Variants in PRKG1 observed in about 807,000 individuals in gnomAD.
PRKG1 encodes protein kinase cGMP-dependent 1.
In PRKG1, 35 loss-of-function variants were observed where a neutral mutation model predicts 88.1. The ratio of observed to expected loss-of-function variants is 0.40; its 90% CI spans 0.30 to 0.53. PRKG1 has a LOEUF of 0.53. Among genes scored for constraint, PRKG1 ranks in the 20% least tolerant of loss-of-function variants. The pLI, the probability that PRKG1 is intolerant of heterozygous loss-of-function variation, is 0.59. For synonymous variants in PRKG1, 303 were observed against 292.5 expected (o/e 1.04, Z -0.37); for missense variants, 540 against 839.8 (o/e 0.64, Z 4.41).
At chr10:52,134,427 G>T (rs1837348936) in intron 8 of PRKG1, among the ~76,000 whole-genome samples, 1 of 151,908 alleles carries the variant, frequency 6.6e-6, no homozygotes, top group African/African-American at 2.4e-5. Flanking sequence ...TATATTTAAG[G>T]CCATTAAAAA....
chr10:51,122,015 G>A (rs905701017), intron 1 of PRKG1, among the ~76,000 whole-genome samples: 4 of 152,050 alleles, frequency 2.6e-5, no homozygotes, highest in Non-Finnish European at 2.9e-5. Flanking sequence ...TGTATTGTAC[G>A]TACATCTGTC....
chr10:51,233,194 A>G (rs1838891945), intron 2 of PRKG1, among the ~76,000 whole-genome samples: 1 of 152,186 alleles, frequency 6.6e-6, no homozygotes, highest in Admixed American at 6.5e-5. Flanking sequence ...TAGGATTGAC[A>G]TTGTCACTCC....
intron 2 of PRKG1, among the ~76,000 whole-genome samples, chr10:51,374,093 A>AAAAAAATATATATATATAT: frequency 1.1e-4 from 11 of 100,188 alleles, no homozygotes; most frequent in African/African-American, 3.0e-4. Context: ...AAAAAAAAAA[A>AAAAAAATATATATATATAT]ATATATATAT....
intron 1 of PRKG1, among the ~76,000 whole-genome samples, chr10:51,099,783 G>A (rs944411743): frequency 8.5e-5 from 13 of 152,126 alleles, no homozygotes; most frequent in South Asian, 4.1e-4. Flanking sequence ...TTGTCTCTGC[G>A]TAATAAGATT....
intron 3 of PRKG1, among the ~76,000 whole-genome samples, chr10:51,767,227 T>A (rs955181617): frequency 6.6e-6 from 1 of 152,182 alleles, no homozygotes; most frequent in Admixed American, 6.5e-5. Flanking sequence ...AGGCGGAGAT[T>A]GGCGTAAATG....
rs946509205 is a variant in PRKG1, at chr10:51,338,939, T to C, written c.479-128784T>C. Among the ~76,000 whole-genome samples the C allele has an allele frequency of 1.1e-4, 17 of 152,148 alleles. 1 individual carries two copies. Among genetic ancestry groups the C allele is most frequent in the Admixed American group, 1.1e-3 (17 of 15,276 alleles). On this transcript the variant is annotated intron_variant, in intron 2 of 17. Transcript: ENST00000373980. ...GAAAAAAAATCAAAATGAAATATGATTGCCTTAAGAAATGACCAACTTAAT... is the reference window on the plus strand; with the variant it reads ...GAAAAAAAATCAAAATGAAATATGACTGCCTTAAGAAATGACCAACTTAAT...
intron 2 of PRKG1, among the ~76,000 whole-genome samples, chr10:51,427,605 A>C (rs1838627696): frequency 6.6e-6 from 1 of 152,292 alleles, no homozygotes; most frequent in Admixed American, 6.5e-5. Context: ...CCACAGGCTG[A>C]AGGCTGATCT....
At chr10:51,847,154 G>T (rs2132793404) in intron 4 of PRKG1, among the ~76,000 whole-genome samples, 1 of 152,216 alleles carries the variant, frequency 6.6e-6, no homozygotes, top group Non-Finnish European at 1.5e-5. Context: ...AGGTGCTGAT[G>T]ATCTATGATG....
At chr10:52,191,179 A>G (rs2132753892) in intron 9 of PRKG1, among the ~76,000 whole-genome samples, 1 of 152,240 alleles carries the variant, frequency 6.6e-6, no homozygotes, top group Middle Eastern at 3.4e-3. Flanking sequence ...TTGTTGAGAC[A>G]GTCTCGCTCT....
chr10:51,598,016 A>G (rs867488642), intron 3 of PRKG1, among the ~76,000 whole-genome samples: 3 of 152,332 alleles, frequency 2.0e-5, no homozygotes, highest in Middle Eastern at 3.4e-3. Flanking sequence ...TGTGCTAATG[A>G]TAATAACTTG....
At chr10:51,029,620 A>G (rs1843254503) in intron 1 of PRKG1, among the ~76,000 whole-genome samples, 1 of 152,176 alleles carries the variant, frequency 6.6e-6, no homozygotes, top group Non-Finnish European at 1.5e-5. Flanking sequence ...AGTAGACCTC[A>G]AAAATTAGGT....
chr10:51,335,692 C>T (rs1490737847), intron 2 of PRKG1, among the ~76,000 whole-genome samples: 2 of 152,130 alleles, frequency 1.3e-5, no homozygotes, highest in Non-Finnish European at 2.9e-5. Context: ...CCACCACACC[C>T]TGCTAGTTTT....
chr10:51,401,378 T>C (rs1485943149), intron 2 of PRKG1, among the ~76,000 whole-genome samples: 2 of 152,186 alleles, frequency 1.3e-5, no homozygotes, highest in Non-Finnish European at 2.9e-5. Flanking sequence ...TACAGAGTGC[T>C]TGGAGACCAG....
chr10:51,946,405 A>C (rs1055879577), intron 5 of PRKG1, among the ~76,000 whole-genome samples: 1 of 151,950 alleles, frequency 6.6e-6, no homozygotes, highest in Non-Finnish European at 1.5e-5. Flanking sequence ...TTTGGTTTGA[A>C]TTTCCTCCTG....
chr10:51,822,823 T>C (rs949431161), intron 4 of PRKG1, among the ~76,000 whole-genome samples: 3 of 152,176 alleles, frequency 2.0e-5, no homozygotes, highest in Non-Finnish European at 4.4e-5. Flanking sequence ...AAGATGTATG[T>C]GCATGCCTGG....
intron 2 of PRKG1, among the ~76,000 whole-genome samples, chr10:51,391,877 T>G (rs1837414274): frequency 6.6e-6 from 1 of 152,258 alleles, no homozygotes; most frequent in Non-Finnish European, 1.5e-5. Flanking sequence ...CTGTGAACTC[T>G]ATCTGGATAA....
chr10:51,494,462 A>C (rs1484755997), intron 3 of PRKG1, among the ~76,000 whole-genome samples: 34 of 152,242 alleles, frequency 2.2e-4, no homozygotes, highest in Admixed American at 2.2e-3. Flanking sequence ...AAATGATAGT[A>C]GGGAAGTTTT....
chr10:52,025,875 A>G (rs1407497728), intron 5 of PRKG1, among the ~76,000 whole-genome samples: 2 of 151,902 alleles, frequency 1.3e-5, no homozygotes, highest in Non-Finnish European at 2.9e-5. Flanking sequence ...TCCTAAGCAA[A>G]AAGAACAAAG....
At chr10:51,938,628 A>C (rs745587181) in intron 5 of PRKG1, among the ~76,000 whole-genome samples, 1 of 151,510 alleles carries the variant, frequency 6.6e-6, no homozygotes, top group Non-Finnish European at 1.5e-5. Context: ...CTTCTTTCTT[A>C]CTCACCCCTC....
Sources: allele counts gnomAD v4.1 joint callset (sites outside exome capture counted in the v4.1 genomes callset), GRCh38; gene constraint gnomAD v4.1.1; transcripts MANE v1.5; gene names NCBI Gene and HGNC (gene_info 2026-07-23, HGNC 2026-07-21).